PZP: variants seen among roughly 807,000 people sequenced by gnomAD.
The protein encoded by PZP is PZP alpha-2-macroglobulin like.
PZP carries 150 observed loss-of-function variants against 179.8 expected under a neutral mutation model. The observed-to-expected ratio is 0.83, with a 90% CI of 0.73 to 0.96. The LOEUF (loss-of-function observed/expected upper bound fraction) is 0.96. Among genes scored for constraint, PZP ranks in the 40% least tolerant of loss-of-function variants. PZP has a pLI of 0.00. For missense variants in PZP, 1,689 were observed against 1,764.0 expected (o/e 0.96, Z 0.76); for synonymous variants, 624 against 652.3 (o/e 0.96, Z 0.66).
chr12:9,149,289 A>T (rs1285351155), intron 35 of PZP, among the ~76,000 whole-genome samples: 2 of 152,264 alleles, frequency 1.3e-5, no homozygotes, highest in Admixed American at 1.3e-4. Flanking sequence ...GTGTTGAAGG[A>T]AGCCCAATTA....
rs1943601099 is a variant in PZP at position 9,193,982 on chromosome 12, T to A, written c.1254+95A>T. 3.3e-6 allele frequency: 4 copies of A among 1,194,992 alleles called. No homozygotes were observed. The East Asian group carries it at 9.6e-5, about 29-fold the overall frequency. 74.0% of individuals were successfully genotyped at this position (1,194,992 alleles called of 1,614,324 possible). On this transcript the variant is annotated intron_variant, in intron 11 of 35. Coordinates refer to ENST00000261336, the MANE Select transcript of PZP (RefSeq NM_002864.3). ...AACTCAAAGTTAGATATCTTCTTATTTCTTACTCTTAAATGCAATCTGTAC... is the reference window on the plus strand; with the variant it reads ...AACTCAAAGTTAGATATCTTCTTATATCTTACTCTTAAATGCAATCTGTAC...
At position 9,160,299 on chromosome 12, in the gene PZP, C is replaced by A. The variant is rs754042818; in HGVS notation, c.3049+15G>T. The A allele has an allele frequency of 3.2e-6, 5 of 1,583,620 alleles. No individual in the cohort carries two copies. The highest frequency in any genetic ancestry group is 1.2e-5 in the South Asian group (1 of 86,720). ...CATTAGAGTAACAAAGTAAATTTTTCTCTGTCTCACTTACCAGTGATGAGA... is the reference window on the plus strand; with the variant it reads ...CATTAGAGTAACAAAGTAAATTTTTATCTGTCTCACTTACCAGTGATGAGA... On this transcript the variant is annotated intron_variant, in intron 24 of 35. Coordinates refer to ENST00000261336, the MANE Select transcript of PZP (RefSeq NM_002864.3).
chr12:9,157,031 C>T, intron 28 of PZP, 144 bp downstream of exon 28: 1 of 650,132 alleles, frequency 1.5e-6, no homozygotes, highest in Non-Finnish European at 2.4e-6. Flanking sequence ...AGCCCATCAC[C>T]TGGTTATTAG....
At chr12:9,186,850 G>C (rs1264993819) in intron 13 of PZP, among the ~76,000 whole-genome samples, 2 of 150,670 alleles carry the variant, frequency 1.3e-5, no homozygotes, top group Admixed American at 6.6e-5. Context: ...GGGGCCTGTC[G>C]GGGGTGGGGG....
rs1330728275 is a variant in PZP, at chr12:9,200,921, A to G, written c.641T>C (p.Ile214Thr). 3.1e-6 allele frequency: 5 copies of G among 1,613,916 alleles called. No individual in the cohort carries two copies. The highest frequency in any genetic ancestry group is 3.3e-5 in the Admixed American group (2 of 59,990). The stretch of plus-strand genomic sequence containing the variant: ...TTCCTCCACGGTGAAGGGGTGCTGT[A>G]TCCTTCCACCTGATTCTGTCTGTAC... ...VVVQTESGGR[I>T]QHPFTVEEFV... Residue 214 changes from isoleucine (I) to threonine (T), a missense_variant, in exon 6 of 36, where the codon ATA becomes ACA. Ile to Thr is a moderately conservative substitution (Grantham distance 89). Around this residue, in one of 3 missense-constraint regions of PZP, gnomAD observed 742 missense variants for 730.5 expected, o/e 1.02. Transcript: ENST00000261336.
At chr12:9,179,569 A>G (rs1424973372) in intron 15 of PZP, among the ~76,000 whole-genome samples, 1 of 152,218 alleles carries the variant, frequency 6.6e-6, no homozygotes, top group Non-Finnish European at 1.5e-5. Context: ...TAAATCACTT[A>G]TTACCACTTT....
intron 10 of PZP, among the ~76,000 whole-genome samples, chr12:9,195,077 G>A (rs2121138093): frequency 6.6e-6 from 1 of 152,144 alleles, no homozygotes; most frequent in African/African-American, 2.4e-5. Flanking sequence ...TTTAAAAATA[G>A]CCAGAAGAGA....
Position 9,180,745 on chromosome 12 carries a change from G to A in PZP, c.1839+238C>T, listed in dbSNP as rs781709480. Among the ~76,000 whole-genome samples, 303 of 152,340 alleles carry A rather than the reference G, an allele frequency of 2.0e-3. 1 individual carries two copies. Among genetic ancestry groups the A allele is most frequent in the African/African-American group, 6.7e-3 (277 of 41,578 alleles). On this transcript the variant is annotated intron_variant, in intron 15 of 35. Coordinates refer to ENST00000261336, the MANE Select transcript of PZP (RefSeq NM_002864.3). ...CATTCAGGACATAGGCATGGGTAAGGACTTCATGTCCAAAACACCAAAAGC... is the reference window on the plus strand; with the variant it reads ...CATTCAGGACATAGGCATGGGTAAGAACTTCATGTCCAAAACACCAAAAGC...
intron 13 of PZP, among the ~76,000 whole-genome samples, chr12:9,190,163 A>T (rs1943375421): frequency 6.6e-6 from 1 of 152,202 alleles, no homozygotes; most frequent in Admixed American, 6.5e-5. Context: ...AAGGAATATA[A>T]ATTGTTCTGT....
chr12:9,200,358 A>T lies in PZP; in HGVS notation c.755+6T>A, dbSNP rs1944084691. 6.3e-7 allele frequency: 1 copy of T among 1,577,960 alleles called. No homozygotes were observed. The highest frequency in any genetic ancestry group is 8.7e-7 in the Non-Finnish European group (1 of 1,151,892). The stretch of plus-strand genomic sequence containing the variant: ...TAAAATTTTAGATAAAAACAATGTA[A>T]CTCACTCTCCACAGACTGTTATGTT... On this transcript the variant is annotated splice_donor_region_variant and intron_variant, in intron 7 of 35. Transcript: ENST00000261336.
rs772055533 is a variant in PZP at position 9,200,461 on chromosome 12, A to C, written c.671-13T>G. The stretch of plus-strand genomic sequence containing the variant: ...AACTTGGGAAGCACTGTTAATAGAG[A>C]TAATAGGAATAAGGAAGGTTGGTAA... On this transcript the variant is annotated splice_polypyrimidine_tract_variant and intron_variant, in intron 6 of 35. Transcript: ENST00000261336. The C allele has an allele frequency of 1.9e-5, 29 of 1,561,978 alleles. No homozygotes were observed. The East Asian group carries it at 6.3e-4, about 34-fold the overall frequency.
chr12:9,149,667 T>C, intron 34 of PZP, 65 bp from the exon 35 acceptor site: 1 of 1,530,370 alleles, frequency 6.5e-7, no homozygotes, highest in East Asian at 2.3e-5. Flanking sequence ...ATGCTAAATC[T>C]GTCTAGTCAC....
At chr12:9,197,593 TATA>T in intron 7 of PZP, among the ~76,000 whole-genome samples, 1 of 92,776 alleles carries the variant, frequency 1.1e-5, no homozygotes, top group Non-Finnish European at 1.9e-5. Flanking sequence ...TAATATAATA[TATA>T]AATATAATAT....
chr12:9,196,711 A>G, intron 8 of PZP, 26 bp from the exon 9 acceptor site: 1 of 1,520,760 alleles, frequency 6.6e-7, no homozygotes, highest in Non-Finnish European at 9.1e-7. Context: ...AAACCAATAA[A>G]TGTCAAACTG....
intron 15 of PZP, among the ~76,000 whole-genome samples, chr12:9,174,232 G>A (rs1942204986): frequency 6.6e-6 from 1 of 152,084 alleles, no homozygotes; most frequent in Non-Finnish European, 1.5e-5. Context: ...AAAACCACAT[G>A]GTTATCTCAA....
chr12:9,180,907 A>C, intron 15 of PZP, 76 bp downstream of exon 15: 1 of 1,484,610 alleles, frequency 6.7e-7, no homozygotes, highest in Non-Finnish European at 9.0e-7. Flanking sequence ...CTCATCTGAC[A>C]AAGGGCTAAT....
chr12:9,166,943 T>C (rs1941628161), intron 17 of PZP: 2 of 152,230 alleles, frequency 1.3e-5, no homozygotes, highest in East Asian at 3.8e-4. Context: ...ATGTATCCCA[T>C]CTGATATTTC....
intron 7 of PZP, 70 bp from the exon 8 acceptor site, chr12:9,197,193 A>T: frequency 9.7e-7 from 1 of 1,035,220 alleles, no homozygotes. Context: ...TCCTCCACAG[A>T]ACTGTCCCTC....
Position 9,150,824 on chromosome 12 carries a change from TTCTTTGAC to T in PZP, c.4282-86_4282-79del, listed in dbSNP as rs1940302392. ...CCATGAGCAAAACATATTCTTATTG[TTCTTTGAC>T]TCTTTTTCACCAGTGTCTTTAGGTG... is the stretch of plus-strand genomic sequence containing the variant. On this transcript the variant is annotated intron_variant, in intron 33 of 35. Transcript: ENST00000261336. 1.3e-5 allele frequency: 12 copies of T among 913,778 alleles called. No individual in the cohort carries two copies. The South Asian group carries it at 1.7e-4, about 13-fold the overall frequency. The allele number at this position is 913,778 out of a possible 1,614,324, so 56.6% of individuals were successfully genotyped here. A position where few individuals can be genotyped will look rare whatever the true frequency, so the allele number is the denominator to read the frequency against.
Sources: allele counts gnomAD v4.1 joint callset (sites outside exome capture counted in the v4.1 genomes callset), GRCh38; gene constraint gnomAD v4.1.1; regional missense constraint gnomAD v4.1.1; transcripts MANE v1.5; gene names NCBI Gene and HGNC (gene_info 2026-07-23, HGNC 2026-07-21).